DAW1: variants seen among roughly 807,000 people sequenced by gnomAD.
DAW1 encodes the protein dynein assembly factor with WD repeat domains 1.
DAW1 carries 47 observed loss-of-function variants against 56.5 expected under a neutral mutation model. The observed-to-expected ratio is 0.83, with a 90% CI of 0.66 to 1.06. The LOEUF is 1.06. DAW1 is among the 50% of genes least tolerant of loss of function. The pLI is 0.00. For missense variants in DAW1, 505 were observed against 499.3 expected (o/e 1.01, Z -0.11); for synonymous variants, 190 against 179.0 (o/e 1.06, Z -0.49).
chr2:227,903,507 A>G (rs2106204127), intron 7 of DAW1, among the ~76,000 whole-genome samples: 1 of 152,282 alleles, frequency 6.6e-6, no homozygotes, highest in Admixed American at 6.5e-5. Context: ...GTATCACAAA[A>G]GTCTGAAATG....
intron 2 of DAW1, among the ~76,000 whole-genome samples, chr2:227,888,435 G>C (rs1413576396): frequency 6.6e-6 from 1 of 152,236 alleles, no homozygotes; most frequent in Non-Finnish European, 1.5e-5. Context: ...CCTCGATGAA[G>C]AAGGCGGGAC....
intron 3 of DAW1, among the ~76,000 whole-genome samples, 164 bp downstream of exon 3, chr2:227,890,164 AAATG>A (rs1312228773): frequency 6.6e-6 from 1 of 152,228 alleles, no homozygotes; most frequent in Non-Finnish European, 1.5e-5. Context: ...ATTATTTGTT[AAATG>A]AATGAGTGAA....
intron 10 of DAW1, among the ~76,000 whole-genome samples, chr2:227,911,118 G>A (rs944553001): frequency 6.6e-6 from 1 of 151,140 alleles, no homozygotes. Flanking sequence ...GTCTCATCAT[G>A]TTTTTGGCAA....
chr2:227,881,024 G>A (rs7575770), intron 1 of DAW1, among the ~76,000 whole-genome samples: 73,508 of 151,954 alleles, frequency 0.48, 17,983 homozygotes, highest in Admixed American at 0.58. Flanking sequence ...GGCAAAAGAG[G>A]ACAAAGGAGA....
Position 227,898,192 on chromosome 2 carries a change from G to A in DAW1, c.451G>A (p.Ala151Thr), listed in dbSNP as rs759961104. Residue 151 changes from alanine (A) to threonine (T), a missense_variant, in exon 6 of 13, where the codon GCC becomes ACC. Physicochemically the swap from Ala to Thr is moderately conservative, Grantham distance 58. Coordinates refer to ENST00000309931, the MANE Select transcript of DAW1 (RefSeq NM_178821.3). Reference sequence around the variant, plus strand: ...TCTTTTAAATCTTAGTGACAAAATCGCCACTGGGTCCTTTGATAAAACTTG... The same window carrying A: ...TCTTTTAAATCTTAGTGACAAAATCACCACTGGGTCCTTTGATAAAACTTG... The part of the protein sequence containing the change: ...AFNNPYGDKI[A>T]TGSFDKTCKL... The A allele has an allele frequency of 2.2e-5, 35 of 1,561,500 alleles. No homozygotes were observed. Among genetic ancestry groups the A allele is most frequent in the South Asian group, 1.3e-4 (10 of 79,212 alleles).
intron 10 of DAW1, 88 bp from the exon 11 acceptor site, chr2:227,918,692 G>C: frequency 7.2e-7 from 1 of 1,396,472 alleles, no homozygotes; most frequent in Non-Finnish European, 1.0e-6. Context: ...GTGTGTCAGG[G>C]GGATATATAT....
At chr2:227,903,768 A>G (rs1721341) in intron 7 of DAW1, among the ~76,000 whole-genome samples, 59,446 of 151,050 alleles carry the variant, frequency 0.39, 11,816 homozygotes, top group Middle Eastern at 0.55. Flanking sequence ...AGGAACAGCC[A>G]GATGGGAAAT....
intron 6 of DAW1, among the ~76,000 whole-genome samples, chr2:227,898,982 T>C (rs1227465835): frequency 1.3e-5 from 2 of 152,226 alleles, no homozygotes; most frequent in Non-Finnish European, 2.9e-5. Context: ...TTAGGCTGAT[T>C]GTTTTCTGTA....
chr2:227,910,261 G>A (rs1691782552), intron 10 of DAW1, among the ~76,000 whole-genome samples: 1 of 151,872 alleles, frequency 6.6e-6, no homozygotes, highest in African/African-American at 2.4e-5. Flanking sequence ...AGATGAGCCT[G>A]GGCAACATAG....
chr2:227,887,767 CT>C (rs1283043281), intron 2 of DAW1: 3 of 152,226 alleles, frequency 2.0e-5, no homozygotes, highest in Admixed American at 2.0e-4. Context: ...TAAACATGAC[CT>C]TTTGGTGATA....
intron 10 of DAW1, 62 bp downstream of exon 10, chr2:227,907,314 C>T (rs1691710070): frequency 7.6e-7 from 1 of 1,322,406 alleles, no homozygotes; most frequent in South Asian, 1.3e-5. Context: ...GATAACCATG[C>T]ATAATTCTAC....
chr2:227,917,118 A>G (rs1019935274), intron 10 of DAW1, among the ~76,000 whole-genome samples: 1 of 91,514 alleles, frequency 1.1e-5, no homozygotes, highest in South Asian at 3.6e-4. Context: ...GACAGTATCT[A>G]TCTATCTATC....
intron 3 of DAW1, among the ~76,000 whole-genome samples, chr2:227,890,853 T>C (rs1466021496): frequency 6.6e-6 from 1 of 152,232 alleles, no homozygotes; most frequent in African/African-American, 2.4e-5. Flanking sequence ...TAATAGATTG[T>C]CCAATTTATG....
chr2:227,887,753 C>T (rs1691165275), intron 2 of DAW1: 1 of 152,196 alleles, frequency 6.6e-6, no homozygotes, highest in Non-Finnish European at 1.5e-5. Flanking sequence ...GGCATAGCCA[C>T]TCATAAACAT....
In DAW1 at chr2:227,908,170, C is replaced by T. The variant is rs139482295; in HGVS notation, c.973+918C>T. Reference sequence around the variant, plus strand: ...TGACATGATATTGTGTCTGTCTTATCGCCTAAGGATCATGTTTATTTCTAC... The same window carrying T: ...TGACATGATATTGTGTCTGTCTTATTGCCTAAGGATCATGTTTATTTCTAC... On this transcript the variant is annotated intron_variant, in intron 10 of 12. Transcript: ENST00000309931. Among the ~76,000 whole-genome samples, 246 of 152,300 alleles carry T rather than the reference C, an allele frequency of 1.6e-3. 1 individual carries two copies. Among genetic ancestry groups the T allele is most frequent in the African/African-American group, 5.3e-3 (221 of 41,564 alleles).
chr2:227,919,003 TG>T, intron 11 of DAW1, 147 bp downstream of exon 11: 1 of 808,902 alleles, frequency 1.2e-6, no homozygotes. Flanking sequence ...AAGACCAGCC[TG>T]GGCAACATAG....
chr2:227,915,160 T>C (rs185027939), intron 10 of DAW1, among the ~76,000 whole-genome samples: 1 of 152,250 alleles, frequency 6.6e-6, no homozygotes, highest in East Asian at 1.9e-4. Context: ...CAGCACACTT[T>C]GATAAATATA....
intron 4 of DAW1, among the ~76,000 whole-genome samples, chr2:227,891,583 G>T (rs2106195169): frequency 6.6e-6 from 1 of 152,268 alleles, no homozygotes; most frequent in East Asian, 1.9e-4. Flanking sequence ...GGGCAGGGTG[G>T]CCTCATATCT....
At position 227,918,867 on chromosome 2, in the gene DAW1, T is replaced by C. The variant is rs747289107; in HGVS notation, c.1050+11T>C. On this transcript the variant is annotated intron_variant, in intron 11 of 12. Coordinates refer to ENST00000309931, the MANE Select transcript of DAW1 (RefSeq NM_178821.3). ...GGTGAAATTTCAAAGGTGAGTCGCT[T>C]TCTCATTTGGAGGAGTTTATTTACT... is the stretch of plus-strand genomic sequence containing the variant. 3 of 1,613,912 alleles carry C rather than the reference T, an allele frequency of 1.9e-6. No individual in the cohort carries two copies. In the South Asian group the frequency reaches 3.3e-5, roughly 18 times the overall value.
Sources: gnomAD v4.1 joint callset for allele counts (sites outside exome capture counted in the v4.1 genomes callset) on GRCh38, gnomAD v4.1.1 for gene constraint, MANE v1.5 for transcripts, NCBI Gene and HGNC (gene_info 2026-07-23, HGNC 2026-07-21) for gene names.